ZFP64: variants seen among roughly 807,000 people sequenced by gnomAD.
ZFP64 encodes the protein zinc finger protein 64.
Under a neutral mutation model 51.6 loss-of-function variants are expected in ZFP64, and 14 were observed. The observed-to-expected ratio is 0.27, with a 90% CI of 0.18 to 0.42. ZFP64 has a LOEUF of 0.42. Among genes scored for constraint, ZFP64 ranks in the 10% least tolerant of loss-of-function variants. The pLI is 1.00. For missense variants in ZFP64, 754 were observed against 906.8 expected (o/e 0.83, Z 2.16); for synonymous variants, 375 against 361.4 (o/e 1.04, Z -0.43).
chr20:52,117,020 C>T (rs1054969679), intron 5 of ZFP64, among the ~76,000 whole-genome samples: 29 of 151,854 alleles, frequency 1.9e-4, no homozygotes, highest in African/African-American at 7.0e-4. Flanking sequence ...TGCAGTGAGC[C>T]GAGATCGTGC....
At chr20:52,132,512 T>C (rs1979771181) in intron 5 of ZFP64, among the ~76,000 whole-genome samples, 1 of 151,144 alleles carries the variant, frequency 6.6e-6, no homozygotes, top group South Asian at 2.1e-4. Context: ...AAATCGGAAA[T>C]GAAAAAAGGA....
Position 52,119,573 on chromosome 20 carries a change from C to CA in ZFP64, c.764-20987dup, listed in dbSNP as rs1199405085. ...ATATATACATATATATATATACACA[C>CA]ACAACACACACACACACACACACAC... On this transcript the variant is annotated intron_variant, in intron 5 of 8. Transcript: ENST00000361387. Among the ~76,000 whole-genome samples the CA allele has an allele frequency of 2.0e-4, 18 of 91,972 alleles. No individual in the cohort carries two copies. In the East Asian group the frequency reaches 2.3e-3, roughly 12 times the overall value. The allele number at this position is 91,972 out of a possible 152,430, so 60.3% of individuals were successfully genotyped here.
intron 5 of ZFP64, among the ~76,000 whole-genome samples, chr20:52,127,883 T>C (rs930447408): frequency 3.3e-5 from 5 of 152,212 alleles, no homozygotes; most frequent in Non-Finnish European, 5.9e-5. Context: ...TCACTGGTAG[T>C]CTACTACTGT....
At position 52,152,948 on chromosome 20, in the gene ZFP64, T is replaced by C. The variant is rs760881218; in HGVS notation, c.1244A>G (p.Gln415Arg). 2.5e-6 allele frequency: 4 copies of C among 1,613,750 alleles called. No homozygotes were observed. In the South Asian group the frequency reaches 4.4e-5, roughly 18 times the overall value. Residue 415 changes from glutamine to arginine, a missense_variant, in exon 6 of 6, where the codon CAG (glutamine) becomes CGG (arginine). By Grantham distance (43) the Gln-to-Arg change is conservative. Transcript: ENST00000216923. ...RKDTGRQSSR[Q>R]VAKLDAKKSF... The stretch of plus-strand genomic sequence containing the variant: ...CTTCTTGGCATCCAGCTTGGCCACC[T>C]GCCGGCTGCTCTGCCTGCCGGTGTC...
downstream of ZFP64, among the ~76,000 whole-genome samples, chr20:52,146,973 TC>T (rs1980559450): frequency 6.6e-6 from 1 of 152,214 alleles, no homozygotes; most frequent in Non-Finnish European, 1.5e-5. Context: ...ATTCACTGTG[TC>T]AACATATTTA....
At chr20:52,087,948 T>C (rs1456596191) in intron 8 of ZFP64, among the ~76,000 whole-genome samples, 2 of 128,032 alleles carry the variant, frequency 1.6e-5, no homozygotes, top group African/African-American at 6.6e-5. Context: ...CATTTTTCCA[T>C]GCCACGATGA....
At chr20:52,178,861 A>G (rs760001197) in intron 2 of ZFP64, among the ~76,000 whole-genome samples, 3 of 152,174 alleles carry the variant, frequency 2.0e-5, no homozygotes, top group Non-Finnish European at 2.9e-5. Context: ...CACTTGTCAC[A>G]AACAGCTGGG....
At chr20:52,104,979 C>G (rs915000013) in intron 5 of ZFP64, 7 of 867,376 alleles carry the variant, frequency 8.1e-6, no homozygotes, top group Non-Finnish European at 1.2e-5. Context: ...AGGCGGGGGG[C>G]GGGGACGCCC....
chr20:52,189,968 A>T (rs1038392110), intron 1 of ZFP64, among the ~76,000 whole-genome samples: 1 of 152,228 alleles, frequency 6.6e-6, no homozygotes, highest in Non-Finnish European at 1.5e-5. Context: ...ATATATGGTT[A>T]GATAAAATTA....
chr20:52,091,041 T>G (rs2078921081), intron 7 of ZFP64, among the ~76,000 whole-genome samples: 1 of 150,960 alleles, frequency 6.6e-6, no homozygotes, highest in Non-Finnish European at 1.5e-5. Context: ...GAAGGTGAGC[T>G]CTGATCATAC....
chr20:52,097,967 C>T (rs941744617), intron 6 of ZFP64, among the ~76,000 whole-genome samples: 4 of 151,844 alleles, frequency 2.6e-5, no homozygotes, highest in East Asian at 1.9e-4. Context: ...ACTCAGGGGG[C>T]GGATGAGGGA....
At chr20:52,190,657 G>C (rs921252261) in intron 1 of ZFP64, among the ~76,000 whole-genome samples, 2 of 152,082 alleles carry the variant, frequency 1.3e-5, no homozygotes, top group African/African-American at 4.8e-5. Context: ...AACAGGGTGG[G>C]GTGGGGAGGA....
intron 7 of ZFP64, among the ~76,000 whole-genome samples, chr20:52,096,588 C>T (rs570550004): frequency 2.6e-4 from 39 of 152,170 alleles, no homozygotes; most frequent in Non-Finnish European, 5.0e-4. Flanking sequence ...TTGTAAAGGG[C>T]TAAGTAGTAT....
At chr20:52,189,021 G>A (rs1160881358) in intron 1 of ZFP64, among the ~76,000 whole-genome samples, 1 of 151,856 alleles carries the variant, frequency 6.6e-6, no homozygotes, top group Non-Finnish European at 1.5e-5. Flanking sequence ...AAATTTAGAA[G>A]AAACTTATAA....
intron 5 of ZFP64, among the ~76,000 whole-genome samples, chr20:52,105,882 C>T (rs1238057406): frequency 6.6e-6 from 1 of 152,106 alleles, no homozygotes; most frequent in Admixed American, 6.5e-5. Flanking sequence ...TCACCACCCC[C>T]ATCACACACA....
intron 5 of ZFP64, among the ~76,000 whole-genome samples, chr20:52,127,201 C>T (rs6126474): frequency 0.42 from 63,765 of 151,858 alleles, 14,435 homozygotes; most frequent in Admixed American, 0.51. Context: ...CCGCCGGCCT[C>T]GGCCTCCCAA....
chr20:52,114,725 T>C (rs1978771242), intron 5 of ZFP64, among the ~76,000 whole-genome samples: 1 of 152,252 alleles, frequency 6.6e-6, no homozygotes, highest in Non-Finnish European at 1.5e-5. Context: ...CCTGCCAATC[T>C]ATCAATTCTG....
intron 2 of ZFP64, among the ~76,000 whole-genome samples, chr20:52,178,251 T>A (rs567513227): frequency 6.6e-6 from 1 of 152,062 alleles, no homozygotes; most frequent in Non-Finnish European, 1.5e-5. Flanking sequence ...ATGAGGAATT[T>A]ACTAAGTGGC....
Position 52,166,820 on chromosome 20 carries a change from C to T in ZFP64, c.287-795G>A, listed in dbSNP as rs192316255. Among the ~76,000 whole-genome samples, 1,113 of 152,214 alleles carry T rather than the reference C, an allele frequency of 7.3e-3. 55 individuals are homozygous for T. Among genetic ancestry groups the T allele is most frequent in the Admixed American group, 0.068 (1,033 of 15,278 alleles). On this transcript the variant is annotated intron_variant, in intron 2 of 5. Coordinates refer to ENST00000216923, the MANE Select transcript of ZFP64 (RefSeq NM_018197.3). The stretch of plus-strand genomic sequence containing the variant: ...TGCCAGGTAAGATTTCTGTTAACTG[C>T]AGCCAAATGCATTAAGTGCTTTCAT...
Sources: gnomAD v4.1 joint callset for allele counts (sites outside exome capture counted in the v4.1 genomes callset) on GRCh38, gnomAD v4.1.1 for gene constraint, MANE v1.5 for transcripts, NCBI Gene and HGNC (gene_info 2026-07-23, HGNC 2026-07-21) for gene names.